PLTP: variants seen among roughly 807,000 people sequenced by gnomAD.
PLTP encodes the protein phospholipid transfer protein.
PLTP carries 43 observed loss-of-function variants against 54.1 expected under a neutral mutation model. The observed-to-expected ratio is 0.79, with a 90% confidence interval of 0.62 to 1.02. PLTP has a LOEUF of 1.02. Ranked by LOEUF, PLTP falls within the 50% of genes least tolerant of loss-of-function variation. PLTP has a pLI of 0.00. For synonymous variants in PLTP, 263 were observed against 264.6 expected, an observed-to-expected ratio of 0.99 and a Z score of 0.06; for missense variants, 604 against 645.9, an observed-to-expected ratio of 0.94 and a Z score of 0.70.
chr20:45,902,153 C>T (rs1279379555), intron 12 of PLTP, 114 bp downstream of exon 12: 12 of 1,138,658 alleles, frequency 1.1e-5, no homozygotes, highest in Non-Finnish European at 1.4e-5. Context: ...TTAACAAAGA[C>T]AGACCCCAGC....
At chr20:45,908,129 C>A (rs1331279750) in intron 5 of PLTP, among the ~76,000 whole-genome samples, 2 of 152,114 alleles carry the variant, frequency 1.3e-5, no homozygotes, top group Non-Finnish European at 2.9e-5. Flanking sequence ...TCAAATGAAT[C>A]CACCCACATT....
chr20:45,899,184 G>T, intron 15 of PLTP, 121 bp from the exon 16 acceptor site: 1 of 1,422,806 alleles, frequency 7.0e-7, no homozygotes, highest in South Asian at 1.2e-5. Flanking sequence ...CCATGTCAAG[G>T]TGTTAAAATG....
At chr20:45,904,640 G>A (rs1277483138) in intron 10 of PLTP, among the ~76,000 whole-genome samples, 160 bp downstream of exon 10, 3 of 152,180 alleles carry the variant, frequency 2.0e-5, no homozygotes, top group Non-Finnish European at 4.4e-5. Flanking sequence ...GGAGCAGACC[G>A]CTTCACAGAC....
chr20:45,909,749 T>C, intron 4 of PLTP, 78 bp from the exon 5 acceptor site: 4 of 1,537,220 alleles, frequency 2.6e-6, no homozygotes, highest in Non-Finnish European at 3.6e-6. Context: ...CCATACCTCT[T>C]AATAAGGTTT....
Position 45,905,226 on chromosome 20 carries a change from A to G in PLTP, c.706-108T>C, listed in dbSNP as rs1601161294. 4 of 929,728 alleles carry G rather than the reference A, an allele frequency of 4.3e-6. No homozygotes were observed. In the East Asian group the frequency reaches 9.7e-5, roughly 23 times the overall value. 57.6% of individuals were successfully genotyped at this position (929,728 alleles called of 1,614,324 possible). A position where few individuals can be genotyped will look rare whatever the true frequency, so the allele number is the denominator to read the frequency against. ...TAGGCACTGTGGGGGGATGGTGGGA[A>G]CCCAGCTGCTGTTCTTGGAGGATTC... On this transcript the variant is annotated intron_variant, in intron 8 of 15. Coordinates refer to ENST00000372431, the MANE Select transcript of PLTP (RefSeq NM_006227.4).
At chr20:45,899,417 G>T in intron 15 of PLTP, 45 bp downstream of exon 15, 1 of 1,592,706 alleles carries the variant, frequency 6.3e-7, no homozygotes, top group Non-Finnish European at 8.6e-7. Context: ...GAGCTATAGA[G>T]AGAGGGGAAG....
intron 12 of PLTP, 108 bp from the exon 13 acceptor site, chr20:45,899,986 A>C: frequency 1.1e-6 from 1 of 886,884 alleles, no homozygotes; most frequent in Non-Finnish European, 1.8e-6. Flanking sequence ...TCAGATGCCC[A>C]CCTAGGCACC....
chr20:45,899,806 A>AGGG, intron 13 of PLTP, 30 bp downstream of exon 13: 29 of 1,303,102 alleles, frequency 2.2e-5, no homozygotes, highest in Non-Finnish European at 2.9e-5. Context: ...TCACGAACCC[A>AGGG]GCCCAGCCCA....
At chr20:45,903,845 G>C (rs389877) in intron 10 of PLTP, among the ~76,000 whole-genome samples, 118,892 of 151,568 alleles carry the variant, frequency 0.78, 46,792 homozygotes, top group East Asian at 0.94. Context: ...TCCCCCCACC[G>C]AAAAAAAAAG....
chr20:45,911,802 T>A, intron 1 of PLTP: 3 of 402,128 alleles, frequency 7.5e-6, no homozygotes, highest in South Asian at 6.9e-5. Context: ...CCATGCAGGC[T>A]TGCACGTTGC....
chr20:45,898,643 T>C lies in PLTP; in HGVS notation c.*298A>G, dbSNP rs1279379329. 47 of 702,270 alleles carry C rather than the reference T, an allele frequency of 6.7e-5. No individual in the cohort carries two copies. The East Asian group carries it at 1.2e-3, about 18-fold the overall frequency. 43.5% of individuals were successfully genotyped at this position (702,270 alleles called of 1,614,324 possible). On this transcript the variant is annotated 3_prime_UTR_variant, in exon 16 of 16. Coordinates refer to ENST00000372431, the MANE Select transcript of PLTP (RefSeq NM_006227.4). The surrounding 1 kb of genome is among the most constrained non-coding windows in gnomAD (Gnocchi z 4.6). ...AGCCTGGGGGCAAGTTAGCACTTTA[T>C]TCCCGCAGCAGTTCCTGAATGGGGT...
chr20:45,906,220 A>G, intron 8 of PLTP, 48 bp downstream of exon 8: 2 of 1,268,734 alleles, frequency 1.6e-6, no homozygotes, highest in Non-Finnish European at 2.3e-6. Flanking sequence ...GCAGAGAAAG[A>G]GGTCTTGTTA....
chr20:45,911,306 C>G, intron 2 of PLTP, 47 bp downstream of exon 2: 1 of 1,613,878 alleles, frequency 6.2e-7, no homozygotes, highest in Non-Finnish European at 8.5e-7. Context: ...TGGGGCGACC[C>G]CAACCCCGTC....
chr20:45,904,676 G>T (rs1337580321), intron 10 of PLTP, 124 bp downstream of exon 10: 1 of 869,800 alleles, frequency 1.1e-6, no homozygotes, highest in Non-Finnish European at 2.0e-6. Context: ...AAGGCGAGGG[G>T]GATTGGCCAC....
chr20:45,909,455 C>T (rs555321823), intron 5 of PLTP, 61 bp downstream of exon 5: 12 of 1,575,360 alleles, frequency 7.6e-6, no homozygotes, highest in African/African-American at 6.7e-5. Context: ...CTTTGCATTG[C>T]GCTAGGCAGA....
intron 10 of PLTP, 98 bp downstream of exon 10, chr20:45,904,702 G>A: frequency 9.2e-7 from 1 of 1,084,616 alleles, no homozygotes; most frequent in Non-Finnish European, 1.4e-6. Flanking sequence ...AGAGGCCAGG[G>A]CCCTGTCTGC....
At chr20:45,910,507 C>G (rs1263360890) in intron 3 of PLTP, among the ~76,000 whole-genome samples, 1 of 151,356 alleles carries the variant, frequency 6.6e-6, no homozygotes, top group Non-Finnish European at 1.5e-5. Flanking sequence ...CCTAGCTACT[C>G]GGGAGGCTGA....
chr20:45,907,934 C>T lies in PLTP; in HGVS notation c.486-30G>A, dbSNP rs1223220974. 5.2e-6 allele frequency: 8 copies of T among 1,549,896 alleles called. No homozygotes were observed. The Admixed American group carries it at 1.4e-4, about 27-fold the overall frequency. On this transcript the variant is annotated intron_variant, in intron 5 of 15. Coordinates refer to ENST00000372431, the MANE Select transcript of PLTP (RefSeq NM_006227.4). ...GAGGAGAGGAGAGGCCGGATGAGCC[C>T]AGAACCTGCCTCCACCCCAGTCCAG... is the stretch of plus-strand genomic sequence containing the variant.
At chr20:45,903,064 G>T (rs928387655) in intron 10 of PLTP, among the ~76,000 whole-genome samples, 2 of 152,064 alleles carry the variant, frequency 1.3e-5, no homozygotes, top group African/African-American at 2.4e-5. Flanking sequence ...CGCCATGCCC[G>T]GCTAAGTTTT....
Sources: allele counts gnomAD v4.1 joint callset (sites outside exome capture counted in the v4.1 genomes callset), GRCh38; gene constraint gnomAD v4.1.1; non-coding constraint Gnocchi (gnomAD v3.1); transcripts MANE v1.5; gene names NCBI Gene and HGNC (gene_info 2026-07-23, HGNC 2026-07-21).